Variants in PAG1 observed in about 807,000 individuals in gnomAD.
The protein encoded by PAG1 is phosphoprotein membrane anchor with glycosphingolipid microdomains 1, also known as phosphoprotein associated with glycosphingolipid-enriched microdomains 1.
A neutral mutation model predicts 31.7 loss-of-function variants in PAG1; 23 were observed. The observed-to-expected ratio is 0.73, with a 90% CI of 0.52 to 1.03. PAG1 has a LOEUF of 1.03. PAG1 is among the 50% of genes least tolerant of loss of function. The pLI, the probability that PAG1 is intolerant of heterozygous loss-of-function variation, is 0.00. For missense variants in PAG1, 473 were observed against 540.7 expected, an observed-to-expected ratio of 0.87 and a Z score of 1.24; for synonymous variants, 214 against 210.3, an observed-to-expected ratio of 1.02 and a Z score of -0.15.
intron 8 of PAG1, among the ~76,000 whole-genome samples, chr8:80,980,056 C>G (rs1181086744): frequency 6.6e-6 from 1 of 152,176 alleles, no homozygotes; most frequent in African/African-American, 2.4e-5. Context: ...TCCCTACACT[C>G]ACCTGTTCTA....
chr8:81,078,187 A>G (rs1463368417), intron 1 of PAG1, among the ~76,000 whole-genome samples: 2 of 152,200 alleles, frequency 1.3e-5, no homozygotes, highest in Non-Finnish European at 2.9e-5. Context: ...ATTGAGGTTA[A>G]GTGGGCTTAA....
chr8:81,040,487 C>A (rs963831819), intron 2 of PAG1, among the ~76,000 whole-genome samples: 3 of 152,090 alleles, frequency 2.0e-5, no homozygotes, highest in Non-Finnish European at 2.9e-5. Context: ...ACAACAAAAA[C>A]CCTCATCCAA....
At chr8:80,980,263 G>A (rs374524014) in intron 8 of PAG1, among the ~76,000 whole-genome samples, 172 bp downstream of exon 8, 5 of 152,032 alleles carry the variant, frequency 3.3e-5, no homozygotes, top group Non-Finnish European at 4.4e-5. Flanking sequence ...TGGCCTGCCC[G>A]TCAGTCTCTC....
At chr8:81,060,399 G>A (rs1274008193) in intron 2 of PAG1, among the ~76,000 whole-genome samples, 2 of 152,116 alleles carry the variant, frequency 1.3e-5, no homozygotes, top group African/African-American at 2.4e-5. Flanking sequence ...TTTTCTTACA[G>A]GTTGATTATT....
rs147691265 is a variant in PAG1, at chr8:81,097,170, T to G, written c.-234+14421A>C. Among the ~76,000 whole-genome samples, 4 of 152,338 alleles carry G rather than the reference T, an allele frequency of 2.6e-5. No individual in the cohort carries two copies. In the East Asian group the frequency reaches 7.7e-4, roughly 29 times the overall value. On this transcript the variant is annotated intron_variant, in intron 1 of 8. Coordinates refer to ENST00000220597, the MANE Select transcript of PAG1 (RefSeq NM_018440.4). ...TTGGGGCCCCACCCCCAGGGCACTT[T>G]AACCAAAATTACTGGGGGTGGGCCC...
intron 1 of PAG1, among the ~76,000 whole-genome samples, chr8:81,087,670 A>C (rs776947000): frequency 1.6e-4 from 24 of 152,224 alleles, no homozygotes; most frequent in Admixed American, 7.2e-4. Context: ...TACAGGGCAC[A>C]CTGAGTAGGA....
chr8:81,035,918 TAC>T (rs940811061), intron 2 of PAG1, among the ~76,000 whole-genome samples: 6 of 152,204 alleles, frequency 3.9e-5, no homozygotes, highest in Non-Finnish European at 8.8e-5. Context: ...CATGCATATA[TAC>T]ACAGTTATAA....
At chr8:80,989,076 T>C (rs897412787) in intron 5 of PAG1, among the ~76,000 whole-genome samples, 2 of 152,206 alleles carry the variant, frequency 1.3e-5, no homozygotes, top group African/African-American at 4.8e-5. Flanking sequence ...AAACCTTTGC[T>C]AGTTGGCCTC....
chr8:81,083,109 T>C (rs188475629), intron 1 of PAG1, among the ~76,000 whole-genome samples: 1 of 152,336 alleles, frequency 6.6e-6, no homozygotes, highest in East Asian at 1.9e-4. Flanking sequence ...TGCTGGTTCA[T>C]CCTGATTACT....
At chr8:80,994,559 G>T (rs1807631713) in intron 3 of PAG1, among the ~76,000 whole-genome samples, 1 of 152,192 alleles carries the variant, frequency 6.6e-6, no homozygotes, top group African/African-American at 2.4e-5. Flanking sequence ...AGTGTCACAG[G>T]AGCTAAGTGG....
At chr8:81,019,067 G>T (rs985604354) in intron 3 of PAG1, among the ~76,000 whole-genome samples, 2 of 152,196 alleles carry the variant, frequency 1.3e-5, no homozygotes, top group Non-Finnish European at 2.9e-5. Context: ...CTGGAGTAAA[G>T]ATCACTCTTG....
intron 7 of PAG1, among the ~76,000 whole-genome samples, chr8:80,983,080 C>T (rs1202646431): frequency 6.6e-6 from 1 of 152,162 alleles, no homozygotes; most frequent in African/African-American, 2.4e-5. Context: ...CAGGATCGAG[C>T]TCTGGTTCTC....
In PAG1 at chr8:80,972,032, A is replaced by G. The variant is rs1807088162; in HGVS notation, c.*4512T>C. 6.6e-6 allele frequency: 1 copy of G among 152,262 alleles called. No individual in the cohort carries two copies. The highest frequency in any genetic ancestry group is 6.5e-5 in the Admixed American group (1 of 15,290). 9.4% of individuals were successfully genotyped at this position (152,262 alleles called of 1,614,324 possible). On this transcript the variant is annotated 3_prime_UTR_variant, in exon 9 of 9. Coordinates refer to ENST00000220597, the MANE Select transcript of PAG1 (RefSeq NM_018440.4). ...ATGTATTTAGGAAAATATACAACAC[A>G]GGGCAAGAAAATACTACTGTAGAAT... is the stretch of plus-strand genomic sequence containing the variant.
chr8:81,048,971 T>C (rs1175380976), intron 2 of PAG1, among the ~76,000 whole-genome samples: 1 of 152,182 alleles, frequency 6.6e-6, no homozygotes, highest in Admixed American at 6.5e-5. Flanking sequence ...AGGACTACAA[T>C]ACTTGTGATT....
At chr8:81,035,359 C>A (rs185993537) in intron 2 of PAG1, among the ~76,000 whole-genome samples, 1 of 152,164 alleles carries the variant, frequency 6.6e-6, no homozygotes, top group Non-Finnish European at 1.5e-5. Flanking sequence ...TGAGAATCAT[C>A]TTAGGATACC....
intron 3 of PAG1, among the ~76,000 whole-genome samples, chr8:81,020,027 A>G (rs1017916646): frequency 6.6e-6 from 1 of 152,112 alleles, no homozygotes; most frequent in Non-Finnish European, 1.5e-5. Context: ...TTAAGGTTTA[A>G]TGACTGCCCT....
intron 2 of PAG1, among the ~76,000 whole-genome samples, chr8:81,067,972 C>T (rs951210774): frequency 9.8e-5 from 15 of 152,342 alleles, no homozygotes; most frequent in African/African-American, 2.9e-4. Flanking sequence ...TCCTAGCTCA[C>T]TGAAACCTCT....
intron 1 of PAG1, among the ~76,000 whole-genome samples, chr8:81,104,171 T>A (rs887981318): frequency 4.6e-5 from 7 of 152,196 alleles, no homozygotes; most frequent in African/African-American, 1.7e-4. Context: ...ATTATCTGTG[T>A]AGATGGAAGC....
chr8:81,068,952 T>G (rs549640135), intron 2 of PAG1, among the ~76,000 whole-genome samples: 2 of 152,316 alleles, frequency 1.3e-5, no homozygotes, highest in East Asian at 3.9e-4. Flanking sequence ...GCAGCTCTAG[T>G]GGAAATGGAA....
Sources: allele counts gnomAD v4.1 joint callset (sites outside exome capture counted in the v4.1 genomes callset), GRCh38; gene constraint gnomAD v4.1.1; transcripts MANE v1.5; gene names NCBI Gene and HGNC (gene_info 2026-07-23, HGNC 2026-07-21).